The following GNA12 variants were observed in gnomAD, a reference collection of about 807,000 sequenced individuals.
GNA12 encodes the protein guanine nucleotide-binding protein subunit alpha-12.
In GNA12, 9 loss-of-function variants were observed where a neutral mutation model predicts 26.0. The observed-to-expected ratio is 0.35, with a 90% CI of 0.21 to 0.60. GNA12 has a LOEUF of 0.60. Ranked by LOEUF, GNA12 falls within the 20% of genes least tolerant of loss-of-function variation. The probability of loss-of-function intolerance (pLI) is 0.78; values close to 1 mark genes in which losing one functional copy is unlikely to be tolerated. For missense variants in GNA12, 405 were observed against 525.8 expected (o/e 0.77, Z 2.25); for synonymous variants, 264 against 219.6 (o/e 1.20, Z -1.79).
In GNA12 at chr7:2,807,836, G is replaced by A. The variant is rs949198768; in HGVS notation, c.310-12693C>T. 2.0e-4 allele frequency among the ~76,000 whole-genome samples: 31 copies of A among 152,282 alleles called. 1 individual carries two copies. The highest frequency in any genetic ancestry group is 1.9e-3 in the Admixed American group (29 of 15,302). ...ATCAGGCAGCCTCACTAAACAAGAC[G>A]CTGCAGCGTTTCAAATTAAGGGGCC... On this transcript the variant is annotated intron_variant, in intron 1 of 3. Transcript: ENST00000275364.
chr7:2,797,424 T>A (rs1220057115), intron 1 of GNA12, among the ~76,000 whole-genome samples: 1 of 151,916 alleles, frequency 6.6e-6, no homozygotes, highest in South Asian at 2.1e-4. Flanking sequence ...GAATTACAGG[T>A]GTGAGCCACT....
At chr7:2,749,414 A>G (rs1421675184) in intron 2 of GNA12, among the ~76,000 whole-genome samples, 1 of 152,060 alleles carries the variant, frequency 6.6e-6, no homozygotes, top group Non-Finnish European at 1.5e-5. Flanking sequence ...TGCAAGGACA[A>G]AAAACCAAAC....
At chr7:2,752,932 A>G (rs555074938) in intron 2 of GNA12, among the ~76,000 whole-genome samples, 1 of 152,142 alleles carries the variant, frequency 6.6e-6, no homozygotes, top group African/African-American at 2.4e-5. Context: ...AGATTTGTGT[A>G]ACCACCACTG....
intron 1 of GNA12, among the ~76,000 whole-genome samples, chr7:2,821,445 G>T (rs1418750338): frequency 6.6e-6 from 1 of 152,196 alleles, no homozygotes; most frequent in Non-Finnish European, 1.5e-5. Context: ...GCCAGGTGTT[G>T]GCACTTACAG....
At position 2,808,182 on chromosome 7, in the gene GNA12, C is replaced by A. The variant is rs184936044; in HGVS notation, c.310-13039G>T. 2.6e-5 allele frequency among the ~76,000 whole-genome samples: 4 copies of A among 152,382 alleles called. No homozygotes were observed. In the East Asian group the frequency reaches 7.7e-4, roughly 29 times the overall value. The stretch of plus-strand genomic sequence containing the variant: ...AAGTTTCAATATCTCTTTCGGGAAT[C>A]TGTGAACATGTTTCCTTCTCACGCA... On this transcript the variant is annotated intron_variant, in intron 1 of 3. Coordinates refer to ENST00000275364, the MANE Select transcript of GNA12 (RefSeq NM_007353.3).
intron 1 of GNA12, among the ~76,000 whole-genome samples, chr7:2,842,579 C>G (rs981463915): frequency 2.0e-5 from 3 of 152,092 alleles, no homozygotes; most frequent in Non-Finnish European, 2.9e-5. Context: ...ATTACAGGCA[C>G]GAGCCATCAC....
chr7:2,803,743 TATC>T (rs1792873341), intron 1 of GNA12, among the ~76,000 whole-genome samples: 1 of 151,434 alleles, frequency 6.6e-6, no homozygotes, highest in East Asian at 1.9e-4. Context: ...AGAAGCAAAT[TATC>T]ATCATTAGCT....
intron 1 of GNA12, among the ~76,000 whole-genome samples, chr7:2,823,655 A>C (rs1182197): frequency 0.37 from 56,348 of 151,976 alleles, 10,706 homozygotes; most frequent in African/African-American, 0.39. Flanking sequence ...AAAATGCAAT[A>C]CTCAATGTCA....
At chr7:2,785,592 TTATCC>T (rs1317764211) in intron 2 of GNA12, among the ~76,000 whole-genome samples, 2 of 152,364 alleles carry the variant, frequency 1.3e-5, no homozygotes, top group Non-Finnish European at 1.5e-5. Flanking sequence ...ACATTGTGAC[TTATCC>T]TATGAGCTGA....
intron 1 of GNA12, among the ~76,000 whole-genome samples, chr7:2,824,029 T>A (rs1793425739): frequency 6.6e-6 from 1 of 152,242 alleles, no homozygotes; most frequent in Non-Finnish European, 1.5e-5. Flanking sequence ...AGTTGACTCC[T>A]TTTCCAGTTG....
chr7:2,765,804 T>C (rs1791782832), intron 2 of GNA12, among the ~76,000 whole-genome samples: 1 of 151,638 alleles, frequency 6.6e-6, no homozygotes, highest in African/African-American at 2.4e-5. Context: ...CTAATTTTTG[T>C]TTTTTAGTAG....
intron 2 of GNA12, among the ~76,000 whole-genome samples, chr7:2,747,763 A>G (rs1790837971): frequency 6.6e-6 from 1 of 152,202 alleles, no homozygotes; most frequent in Admixed American, 6.5e-5. Context: ...ATTGTATATT[A>G]TCTAGAAAAC....
rs908780163 is a variant in GNA12, at chr7:2,841,710, C to A, written c.309+2143G>T. 2.0e-5 allele frequency among the ~76,000 whole-genome samples: 3 copies of A among 152,298 alleles called. No homozygotes were observed. In the East Asian group the frequency reaches 5.8e-4, roughly 29 times the overall value. ...CAAGTGCGAATACTGGCCTGGAAGT[C>A]TGGAGGCCAGGATTCCAGCACAGAG... is the stretch of plus-strand genomic sequence containing the variant. On this transcript the variant is annotated intron_variant, in intron 1 of 3. Transcript: ENST00000275364.
chr7:2,817,795 T>C (rs1017408225), intron 1 of GNA12, among the ~76,000 whole-genome samples: 2 of 152,216 alleles, frequency 1.3e-5, no homozygotes, highest in Non-Finnish European at 2.9e-5. Flanking sequence ...AGAAGAAACA[T>C]CTAAAGTTAT....
intron 1 of GNA12, among the ~76,000 whole-genome samples, chr7:2,827,877 C>T (rs999287836): frequency 1.3e-5 from 2 of 152,098 alleles, no homozygotes; most frequent in African/African-American, 4.8e-5. Context: ...ACTTCAAAAA[C>T]ACCTACATTT....
intron 2 of GNA12, among the ~76,000 whole-genome samples, chr7:2,754,852 G>C (rs188811674): frequency 6.6e-6 from 1 of 152,296 alleles, no homozygotes; most frequent in African/African-American, 2.4e-5. Context: ...TCATGTCTAA[G>C]AATTCTTCAC....
At chr7:2,754,396 T>C (rs1311600184) in intron 2 of GNA12, among the ~76,000 whole-genome samples, 1 of 152,140 alleles carries the variant, frequency 6.6e-6, no homozygotes, top group Non-Finnish European at 1.5e-5. Flanking sequence ...GTCGGATATG[T>C]AGTCAGCAAA....
intron 2 of GNA12, among the ~76,000 whole-genome samples, chr7:2,743,390 G>A (rs547199476): frequency 6.6e-6 from 1 of 152,276 alleles, no homozygotes; most frequent in South Asian, 2.1e-4. Context: ...AAATATGGAA[G>A]ATATTCATCA....
chr7:2,798,572 G>A (rs748833491), intron 1 of GNA12, among the ~76,000 whole-genome samples: 13 of 152,224 alleles, frequency 8.5e-5, no homozygotes, highest in Admixed American at 5.2e-4. Flanking sequence ...GATTCAACAC[G>A]GTACCAATAT....
Sources: gnomAD v4.1 joint callset for allele counts (sites outside exome capture counted in the v4.1 genomes callset) on GRCh38, gnomAD v4.1.1 for gene constraint, MANE v1.5 for transcripts, NCBI Gene and HGNC (gene_info 2026-07-23, HGNC 2026-07-21) for gene names.